Variants in GPR19 observed in about 807,000 individuals in gnomAD.
GPR19 encodes G protein-coupled receptor 19.
GPR19 carries 14 observed loss-of-function variants against 28.5 expected under a neutral mutation model. The ratio of observed to expected loss-of-function variants is 0.49; its 90% CI spans 0.32 to 0.77. The LOEUF (loss-of-function observed/expected upper bound fraction) is 0.77, where lower values mean the gene tolerates loss of function less well. GPR19 is among the 30% of genes least tolerant of loss of function. The pLI is 0.03. For missense variants in GPR19, 409 were observed against 504.1 expected, an observed-to-expected ratio of 0.81 and a Z score of 1.81; for synonymous variants, 173 against 184.1, an observed-to-expected ratio of 0.94 and a Z score of 0.49.
chr12:12,661,663 C>G lies in GPR19; in HGVS notation c.786G>C (p.Arg262Ser). ...RIGTDGRTVR[R>S]TMNIVPRTKV... ...TTGTCCGAGGGACAATGTTCATTGT[C>G]CTCCTCACCGTTCGGCCATCTGTGC... Residue 262 changes from arginine (R) to serine (S), a missense_variant, in exon 4 of 4, where the codon AGG becomes AGC. Arg to Ser is a moderately radical substitution (Grantham distance 110). Transcript: ENST00000651487. The surrounding 1 kb of genome is among the most constrained non-coding windows in gnomAD (Gnocchi z 4.2). 1 of 1,613,892 alleles carries G rather than the reference C, an allele frequency of 6.2e-7. No homozygotes were observed. Among genetic ancestry groups the G allele is most frequent in the Non-Finnish European group, 8.5e-7 (1 of 1,179,786 alleles).
chr12:12,693,780 G>A (rs919477675), intron 2 of GPR19, among the ~76,000 whole-genome samples: 1 of 152,116 alleles, frequency 6.6e-6, no homozygotes, highest in Non-Finnish European at 1.5e-5. Flanking sequence ...TCGGCTGACC[G>A]CAACCTCTGC....
the GPR19 span, chr12:12,716,740 G>T: frequency 4.1e-6 from 4 of 985,082 alleles, no homozygotes; most frequent in Non-Finnish European, 1.2e-6. Context: ...TTCTTCCCTA[G>T]GCCCCCAGCC....
At chr12:12,701,998 T>A in the GPR19 span, among the ~76,000 whole-genome samples, 1 of 152,002 alleles carries the variant, frequency 6.6e-6, no homozygotes, top group Admixed American at 6.6e-5. Context: ...TATAAGCATT[T>A]TGCTTGCATC....
At chr12:12,685,284 G>GA (rs1198897680) in intron 2 of GPR19, among the ~76,000 whole-genome samples, 3 of 148,366 alleles carry the variant, frequency 2.0e-5, no homozygotes, top group Admixed American at 2.0e-4. Flanking sequence ...TTTTTTGGTG[G>GA]GGGGGAGGGA....
In GPR19 at chr12:12,677,711, T is replaced by C. The variant is rs769666091; in HGVS notation, c.-23+6640A>G. On this transcript the variant is annotated intron_variant, in intron 3 of 3. Transcript: ENST00000651487. ...TATATATATTCAGTATATTAGACAG[T>C]TTATAAATGATCATTTCTCAGTGCT... Among the ~76,000 whole-genome samples the C allele has an allele frequency of 3.9e-5, 6 of 152,182 alleles. No individual in the cohort carries two copies. In the South Asian group the frequency reaches 1.0e-3, roughly 26 times the overall value.
intron 2 of GPR19, among the ~76,000 whole-genome samples, chr12:12,694,007 G>A (rs1417963667): frequency 2.0e-5 from 3 of 151,720 alleles, no homozygotes; most frequent in African/African-American, 7.3e-5. Context: ...GGCCCTAGAG[G>A]GAACTCTTAA....
At chr12:12,666,122 T>C (rs1656300650) in intron 3 of GPR19, among the ~76,000 whole-genome samples, 1 of 152,092 alleles carries the variant, frequency 6.6e-6, no homozygotes, top group South Asian at 2.1e-4. Context: ...TTTGGGGTCA[T>C]TTTTCTGGGT....
chr12:12,717,221 CG>C, the GPR19 span: 1 of 1,047,078 alleles, frequency 9.6e-7, no homozygotes, highest in Non-Finnish European at 1.2e-6. Flanking sequence ...CTCGGGGAGG[CG>C]GCGCGCTCGG....
chr12:12,697,153 T>TAAGAAAAAAAAA (rs1946277431), upstream of GPR19, among the ~76,000 whole-genome samples: 1 of 48,846 alleles, frequency 2.0e-5, no homozygotes, highest in African/African-American at 7.5e-5. Flanking sequence ...TGAAGCGAAG[T>TAAGAAAAAAAAA]AAAAAAAAAA....
chr12:12,698,156 T>TC (rs1217879925), upstream of GPR19, among the ~76,000 whole-genome samples: 4 of 152,228 alleles, frequency 2.6e-5, no homozygotes, highest in Admixed American at 1.3e-4. Flanking sequence ...TCTTTGAGAC[T>TC]CCTAGTTCAT....
At position 12,661,161 on chromosome 12, in the gene GPR19, T is replaced by G. The variant is rs751284656; in HGVS notation, c.*40A>C. On this transcript the variant is annotated 3_prime_UTR_variant, in exon 4 of 4. Coordinates refer to ENST00000651487, the MANE Select transcript of GPR19 (RefSeq NM_006143.3). This position sits in a 1 kb window ranked among gnomAD's most constrained non-coding sequence, Gnocchi z 4.2. ...TAGCTTCTGTTTTTATAGTTAAAGC[T>G]TTTTAATCTCTGGTGCATAACAATT... The G allele has an allele frequency of 1.4e-6, 2 of 1,415,350 alleles. No homozygotes were observed. Among genetic ancestry groups the G allele is most frequent in the African/African-American group, 2.9e-5 (2 of 69,584 alleles). The allele number at this position is 1,415,350 out of a possible 1,614,324, so 87.7% of individuals were successfully genotyped here.
chr12:12,662,373 G>C lies in GPR19; in HGVS notation c.76C>G (p.Arg26Gly). The C allele has an allele frequency of 6.2e-7, 1 of 1,614,186 alleles. No homozygotes were observed. Among genetic ancestry groups the C allele is most frequent in the Non-Finnish European group, 8.5e-7 (1 of 1,180,024 alleles). Residue 26 changes from arginine to glycine, a missense_variant, in exon 4 of 4, where the codon CGC (arginine) becomes GGC (glycine). Arg to Gly is a moderately radical substitution (Grantham distance 125, BLOSUM62 -2). Transcript: ENST00000651487. ...GGTGTGGCTGTTTCAGTGCAGCTGCGGTTTTGGAGGGGCACCAGAAGTGTA... is the reference window on the plus strand; with the variant it reads ...GGTGTGGCTGTTTCAGTGCAGCTGCCGTTTTGGAGGGGCACCAGAAGTGTA... ...IPTLLVPLQNRSCTETATPLP... is the reference protein window; with the variant it reads ...IPTLLVPLQNGSCTETATPLP...
upstream of GPR19, among the ~76,000 whole-genome samples, chr12:12,697,641 C>G (rs2193737): frequency 0.98 from 149,447 of 152,348 alleles, 73,358 homozygotes; most frequent in East Asian, 1. Flanking sequence ...ATTTTCAAGA[C>G]ATATGAAATT....
intron 2 of GPR19, among the ~76,000 whole-genome samples, chr12:12,685,493 C>T (rs139167719): frequency 8.9e-4 from 135 of 152,198 alleles, no homozygotes; most frequent in African/African-American, 2.4e-3. Context: ...GCTTTGCTGA[C>T]GTCCTAGTTG....
chr12:12,713,579 C>A, the GPR19 span, among the ~76,000 whole-genome samples: 3 of 152,150 alleles, frequency 2.0e-5, no homozygotes, highest in African/African-American at 7.2e-5. Context: ...GTCTTCCAGG[C>A]TGGTGTGCAG....
intron 3 of GPR19, among the ~76,000 whole-genome samples, chr12:12,662,833 C>A (rs1945700494): frequency 6.6e-6 from 1 of 152,236 alleles, no homozygotes; most frequent in Non-Finnish European, 1.5e-5. Context: ...TTACCACCAA[C>A]TGAAGATCTG....
At chr12:12,683,344 C>T (rs531016849) in intron 3 of GPR19, among the ~76,000 whole-genome samples, 6 of 152,252 alleles carry the variant, frequency 3.9e-5, no homozygotes, top group Admixed American at 2.6e-4. Context: ...CTTCTAGTAG[C>T]GTCAGCTGAA....
At position 12,661,830 on chromosome 12, in the gene GPR19, C is replaced by A; in HGVS notation, c.619G>T (p.Asp207Tyr). Residue 207 changes from aspartate to tyrosine, a missense_variant, in exon 4 of 4, where the codon GAC becomes TAC. By Grantham distance (160) the Asp-to-Tyr change is radical. Transcript: ENST00000651487. The surrounding 1 kb of genome is among the most constrained non-coding windows in gnomAD (Gnocchi z 4.2). ...PVLFFYGSNW[D>Y]SHCNYFLPSS... The stretch of plus-strand genomic sequence containing the variant: ...GGGAGGAAATAGTTACAATGACTGT[C>A]CCAGTTGGAGCCATAGAAAAAGAGC... The A allele has an allele frequency of 6.2e-7, 1 of 1,614,074 alleles. No individual in the cohort carries two copies. Among genetic ancestry groups the A allele is most frequent in the Non-Finnish European group, 8.5e-7 (1 of 1,180,002 alleles).
intron 3 of GPR19, among the ~76,000 whole-genome samples, chr12:12,683,298 T>C (rs1414599530): frequency 2.6e-5 from 4 of 152,202 alleles, no homozygotes; most frequent in Admixed American, 6.5e-5. Flanking sequence ...ATAGATTTCT[T>C]TGGGGATCTG....
Sources: gnomAD v4.1 joint callset for allele counts (sites outside exome capture counted in the v4.1 genomes callset) on GRCh38, gnomAD v4.1.1 for gene constraint, Gnocchi (gnomAD v3.1) non-coding constraint, MANE v1.5 for transcripts, NCBI Gene and HGNC (gene_info 2026-07-23, HGNC 2026-07-21) for gene names.